The following EHBP1L1 variants were observed in gnomAD, a reference collection of about 807,000 sequenced individuals.
The protein encoded by EHBP1L1 is EH domain-binding protein 1-like protein 1.
Under a neutral mutation model 151.1 loss-of-function variants are expected in EHBP1L1, and 122 were observed. The ratio of observed to expected loss-of-function variants is 0.81; its 90% CI spans 0.70 to 0.94. EHBP1L1 has a LOEUF of 0.94. Among genes scored for constraint, EHBP1L1 ranks in the 40% least tolerant of loss-of-function variants. The pLI is 0.00. For missense variants in EHBP1L1, 1,941 were observed against 1,959.8 expected (o/e 0.99, Z 0.18); for synonymous variants, 878 against 810.1 (o/e 1.08, Z -1.42).
At position 65,581,997 on chromosome 11, in the gene EHBP1L1, C is replaced by T. The variant is rs370393705; in HGVS notation, c.1325C>T (p.Ala442Val). The T allele has an allele frequency of 9.3e-6, 15 of 1,613,730 alleles. No individual in the cohort carries two copies. Among genetic ancestry groups the T allele is most frequent in the South Asian group, 8.8e-5 (8 of 91,080 alleles). Residue 442 changes from alanine to valine, a missense_variant, in exon 9 of 19, where the codon GCG (alanine) becomes GTG (valine). Coordinates refer to ENST00000309295, the MANE Select transcript of EHBP1L1 (RefSeq NM_001099409.3). ...CATGTGGACACTAAGGGACCAGAGG[C>T]GACAGGGGTGATGCCTGAGGCAAGA... ...VRHVDTKGPEATGVMPEARCR... is the reference protein window; with the variant it reads ...VRHVDTKGPEVTGVMPEARCR...
intron 9 of EHBP1L1, 149 bp downstream of exon 9, chr11:65,583,914 T>A (rs1238190623): frequency 2.1e-6 from 3 of 1,416,400 alleles, no homozygotes; most frequent in African/African-American, 1.4e-5. Flanking sequence ...TCCCCTCCTC[T>A]CTCAGGATGC....
intron 1 of EHBP1L1, among the ~76,000 whole-genome samples, chr11:65,578,729 A>C (rs1411897601): frequency 6.6e-6 from 1 of 152,246 alleles, no homozygotes; most frequent in Admixed American, 6.5e-5. Context: ...CACGATGCTC[A>C]CATGTGCATC....
chr11:65,592,577 G>A lies in EHBP1L1; in HGVS notation c.*275G>A, dbSNP rs1201050612. Reference sequence around the variant, plus strand: ...GGCCGGCGGCCTCGGGGAGAGGGATGCCTGGGCACTACCGCCCCGCGCTGG... The same window carrying A: ...GGCCGGCGGCCTCGGGGAGAGGGATACCTGGGCACTACCGCCCCGCGCTGG... On this transcript the variant is annotated 3_prime_UTR_variant, in exon 19 of 19. Transcript: ENST00000309295. 1 of 195,670 alleles carries A rather than the reference G, an allele frequency of 5.1e-6. No individual in the cohort carries two copies. Among genetic ancestry groups the A allele is most frequent in the Non-Finnish European group, 1.0e-5 (1 of 96,522 alleles). 12.1% of individuals were successfully genotyped at this position (195,670 alleles called of 1,614,324 possible). A position where few individuals can be genotyped will look rare whatever the true frequency, so the allele number is the denominator to read the frequency against.
chr11:65,590,382 T>A (rs1858208160), intron 15 of EHBP1L1, 111 bp from the exon 16 acceptor site: 48 of 1,501,466 alleles, frequency 3.2e-5, no homozygotes, highest in Non-Finnish European at 4.3e-5. Flanking sequence ...AGGCACACAG[T>A]TCTGGCTTCT....
intron 12 of EHBP1L1, among the ~76,000 whole-genome samples, chr11:65,586,799 G>A (rs1198278451): frequency 6.6e-6 from 1 of 152,244 alleles, no homozygotes; most frequent in African/African-American, 2.4e-5. Context: ...TGGCCCATCT[G>A]TTGGCCTCAT....
At chr11:65,577,189 G>A (rs1209682035) in intron 1 of EHBP1L1, among the ~76,000 whole-genome samples, 1 of 152,184 alleles carries the variant, frequency 6.6e-6, no homozygotes, top group Non-Finnish European at 1.5e-5. Context: ...GTGCTTGCTG[G>A]TGTCAGCTTC....
chr11:65,591,790 C>CCCCAA lies in EHBP1L1; in HGVS notation c.4284-10_4284-9insCCCAA, dbSNP rs1858321133. On this transcript the variant is annotated splice_polypyrimidine_tract_variant and intron_variant, in intron 16 of 18. Transcript: ENST00000309295. Reference sequence around the variant, plus strand: ...CACCCCCCCGCCACCCACCCCCCGCCACCTTCCAGCATGGAGGAGCAGGAC... The same window carrying CCCCAA: ...CACCCCCCCGCCACCCACCCCCCGCCCCCAAACCTTCCAGCATGGAGGAGCAGGAC... 6.5e-7 allele frequency: 1 copy of CCCCAA among 1,535,832 alleles called. No individual in the cohort carries two copies. The highest frequency in any genetic ancestry group is 8.8e-7 in the Non-Finnish European group (1 of 1,136,530).
chr11:65,583,594 C>A lies in EHBP1L1; in HGVS notation c.2922C>A (p.Ala974=), dbSNP rs1406143092. The change falls in exon 9 of 19, where the codon GCC becomes GCA. Residue 974 remains alanine, a synonymous_variant. Coordinates refer to ENST00000309295, the MANE Select transcript of EHBP1L1 (RefSeq NM_001099409.3). ...SPENKSGTFK[A]QEAEAGVLGN... ...AGAACAAATCTGGTACTTTTAAGGC[C>A]CAGGAAGCGGAGGCTGGGGTCTTGG... is the stretch of plus-strand genomic sequence containing the variant. 1.2e-6 allele frequency: 2 copies of A among 1,607,338 alleles called. No homozygotes were observed. Among genetic ancestry groups the A allele is most frequent in the Non-Finnish European group, 1.7e-6 (2 of 1,176,090 alleles).
chr11:65,592,001 G>C lies in EHBP1L1; in HGVS notation c.4383G>C (p.Gln1461His). 6.2e-7 allele frequency: 1 copy of C among 1,613,152 alleles called. No homozygotes were observed. The highest frequency in any genetic ancestry group is 1.1e-5 in the South Asian group (1 of 91,076). ...IEDWQKTSAQ[Q>H]HREQLLLEEL... ...ACTGGCAGAAAACGTCCGCTCAGCA[G>C]CACCGAGAGCAGCTCCTACTGGAGG... The change falls in exon 18 of 19, where the codon CAG (glutamine) becomes CAC (histidine). Residue 1461 changes from glutamine to histidine, a missense_variant. By Grantham distance (24) the Gln-to-His change is conservative. Coordinates refer to ENST00000309295, the MANE Select transcript of EHBP1L1 (RefSeq NM_001099409.3).
At position 65,583,035 on chromosome 11, in the gene EHBP1L1, G is replaced by A. The variant is rs1346926570; in HGVS notation, c.2363G>A (p.Gly788Glu). 4.3e-6 allele frequency: 7 copies of A among 1,612,930 alleles called. No homozygotes were observed. Among genetic ancestry groups the A allele is most frequent in the African/African-American group, 1.3e-5 (1 of 74,810 alleles). ...GCATCTAGGGATTCAGGGGTCCCAG[G>A]GTTAGAAGCTGATACAACAGGGATC... Reference protein sequence around the residue: ...EIASRDSGVPGLEADTTGIQV... With the variant: ...EIASRDSGVPELEADTTGIQV... Residue 788 changes from glycine (G) to glutamate (E), a missense_variant, in exon 9 of 19, where the codon GGG (glycine) becomes GAG (glutamate). By Grantham distance (98) the Gly-to-Glu change is moderately conservative (BLOSUM62 -2). Coordinates refer to ENST00000309295, the MANE Select transcript of EHBP1L1 (RefSeq NM_001099409.3).
intron 3 of EHBP1L1, 108 bp from the exon 4 acceptor site, chr11:65,579,825 TCAA>T: frequency 1.5e-6 from 1 of 687,304 alleles, no homozygotes; most frequent in Non-Finnish European, 2.2e-6. Context: ...AGACTCCGTC[TCAA>T]AAAAAAAAAA....
chr11:65,591,557 CG>C (rs1858290319), intron 16 of EHBP1L1: 6 of 593,884 alleles, frequency 1.0e-5, no homozygotes, highest in Non-Finnish European at 1.8e-5. Flanking sequence ...AATAATCCTT[CG>C]GGGGTCCTTC....
At chr11:65,592,116 A>C (rs2135342202) in intron 18 of EHBP1L1, 26 bp downstream of exon 18, 1 of 1,611,870 alleles carries the variant, frequency 6.2e-7, no homozygotes, top group East Asian at 2.2e-5. Flanking sequence ...CGGCGCTGGG[A>C]GTTGGGAGGG....
chr11:65,578,996 G>A, intron 1 of EHBP1L1, 82 bp from the exon 2 acceptor site: 1 of 1,346,146 alleles, frequency 7.4e-7, no homozygotes, highest in South Asian at 1.3e-5. Context: ...GGAGCTGGGG[G>A]AGGAGGAAGA....
chr11:65,579,278 A>G, intron 2 of EHBP1L1, 63 bp from the exon 3 acceptor site: 3 of 1,456,258 alleles, frequency 2.1e-6, no homozygotes, highest in Admixed American at 2.1e-5. Context: ...AAGGTTGGTG[A>G]TAGGGGGTGC....
In EHBP1L1 at chr11:65,581,633, G is replaced by A; in HGVS notation, c.961G>A (p.Glu321Lys). The change falls in exon 9 of 19, where the codon GAA becomes AAA. Residue 321 changes from glutamate to lysine, a missense_variant. Glu to Lys is a moderately conservative substitution (Grantham distance 56). Transcript: ENST00000309295. ...CCTCCGGCCCCCAGTCCCCCAGGGG[G>A]AAGATGAGGTCCCCAAAGCCTCAGG... ...DALRPPVPQG[E>K]DEVPKASGAP... 6.4e-7 allele frequency: 1 copy of A among 1,551,868 alleles called. No homozygotes were observed. The highest frequency in any genetic ancestry group is 8.7e-7 in the Non-Finnish European group (1 of 1,147,944).
chr11:65,577,974 G>T (rs1151517), intron 1 of EHBP1L1, among the ~76,000 whole-genome samples: 10 of 152,134 alleles, frequency 6.6e-5, no homozygotes, highest in East Asian at 1.9e-4. Context: ...GTGCTGCCCT[G>T]GGCCGGATCG....
chr11:65,583,415 C>T lies in EHBP1L1; in HGVS notation c.2743C>T (p.Gln915Ter). Residue 915 changes from glutamine to a stop codon, truncating the protein, a stop_gained, in exon 9 of 19, where the codon CAG becomes TAG. Coordinates refer to ENST00000309295, the MANE Select transcript of EHBP1L1 (RefSeq NM_001099409.3). LOFTEE classifies it high-confidence loss of function. ...PVTQPRVLGS[Q>*]EAKAEISGVQ... ...CACTCAGCCAAGAGTTTTAGGATCCCAGGAAGCAAAAGCAGAGATTTCAGG... is the reference window on the plus strand; with the variant it reads ...CACTCAGCCAAGAGTTTTAGGATCCTAGGAAGCAAAAGCAGAGATTTCAGG... 1 of 1,613,352 alleles carries T rather than the reference C, an allele frequency of 6.2e-7. No individual in the cohort carries two copies. Among genetic ancestry groups the T allele is most frequent in the South Asian group, 1.1e-5 (1 of 91,048 alleles).
In EHBP1L1 at chr11:65,583,511, G is replaced by A; in HGVS notation, c.2839G>A (p.Gly947Ser). Residue 947 changes from glycine to serine, a missense_variant, in exon 9 of 19, where the codon GGC (glycine) becomes AGC (serine). Coordinates refer to ENST00000309295, the MANE Select transcript of EHBP1L1 (RefSeq NM_001099409.3). The part of the protein sequence containing the change: ...AEAGVWGMSE[G>S]KSGAWGAQEA... The stretch of plus-strand genomic sequence containing the variant: ...GGCTGGGGTTTGGGGGATGTCAGAG[G>A]GCAAATCTGGGGCTTGGGGGGCCCA... 1.9e-6 allele frequency: 3 copies of A among 1,613,450 alleles called. No individual in the cohort carries two copies. Among genetic ancestry groups the A allele is most frequent in the Non-Finnish European group, 2.5e-6 (3 of 1,179,730 alleles).
Sources: allele counts gnomAD v4.1 joint callset (sites outside exome capture counted in the v4.1 genomes callset), GRCh38; gene constraint gnomAD v4.1.1; transcripts MANE v1.5; gene names NCBI Gene and HGNC (gene_info 2026-07-23, HGNC 2026-07-21).